Variants in SUPT3H observed in about 807,000 individuals in gnomAD.
The protein encoded by SUPT3H is transcription initiation protein SPT3 homolog.
In SUPT3H, 44 loss-of-function variants were observed where a neutral mutation model predicts 44.3. That is an observed-to-expected ratio of 0.99 (90% CI 0.78 to 1.28). The LOEUF (loss-of-function observed/expected upper bound fraction) is 1.28, where lower values mean the gene tolerates loss of function less well. SUPT3H is among the 50% of genes most tolerant of loss of function. The pLI is 0.00. For missense variants in SUPT3H, 380 were observed against 387.1 expected (o/e 0.98, Z 0.15); for synonymous variants, 124 against 125.6 (o/e 0.99, Z 0.09).
intron 3 of SUPT3H, among the ~76,000 whole-genome samples, chr6:45,042,503 G>C (rs1238545840): frequency 6.6e-6 from 1 of 152,176 alleles, no homozygotes; most frequent in Non-Finnish European, 1.5e-5. Context: ...CTTACTATAT[G>C]TCTGGAATAG....
At chr6:45,372,067 T>C (rs1796146016) in intron 1 of SUPT3H, 1 of 941,714 alleles carries the variant, frequency 1.1e-6, no homozygotes, top group Non-Finnish European at 1.3e-6. Flanking sequence ...GCCTCCACAA[T>C]GTGTATGTCA....
chr6:45,307,077 G>A (rs1036994290), intron 2 of SUPT3H, among the ~76,000 whole-genome samples: 2 of 152,218 alleles, frequency 1.3e-5, no homozygotes, highest in Non-Finnish European at 2.9e-5. Flanking sequence ...GGGGAGGGGT[G>A]CCCGCCATTG....
intron 2 of SUPT3H, among the ~76,000 whole-genome samples, chr6:45,256,985 C>A (rs369694529): frequency 2.0e-5 from 3 of 152,068 alleles, no homozygotes; most frequent in East Asian, 1.9e-4. Context: ...TGTCGTAATT[C>A]GACGTTTAAT....
intron 2 of SUPT3H, among the ~76,000 whole-genome samples, chr6:45,230,375 C>G (rs960724010): frequency 5.9e-5 from 9 of 151,812 alleles, no homozygotes; most frequent in African/African-American, 2.2e-4. Flanking sequence ...TTCTTTAGAT[C>G]TAGTAATATT....
intron 3 of SUPT3H, among the ~76,000 whole-genome samples, chr6:45,102,494 T>C (rs1303304354): frequency 6.6e-6 from 1 of 152,066 alleles, no homozygotes; most frequent in Non-Finnish European, 1.5e-5. Context: ...CAATAATTTA[T>C]TATATAAAAT....
chr6:45,365,185 G>A lies in SUPT3H; in HGVS notation c.101+16C>T. 6.8e-7 allele frequency: 1 copy of A among 1,471,976 alleles called. No individual in the cohort carries two copies. The highest frequency in any genetic ancestry group is 9.4e-7 in the Non-Finnish European group (1 of 1,063,212). The allele number at this position is 1,471,976 out of a possible 1,614,324, so 91.2% of individuals were successfully genotyped here. A position where few individuals can be genotyped will look rare whatever the true frequency, so the allele number is the denominator to read the frequency against. On this transcript the variant is annotated intron_variant, in intron 2 of 10. Coordinates refer to ENST00000371459, the MANE Select transcript of SUPT3H (RefSeq NM_003599.4). ...TTTAAAATAGTAATAGCAATAGCAT[G>A]CAGGGACATACTTACATCATACTCT...
intron 2 of SUPT3H, among the ~76,000 whole-genome samples, chr6:45,190,808 A>C (rs973413942): frequency 2.6e-5 from 4 of 152,102 alleles, no homozygotes; most frequent in Non-Finnish European, 5.9e-5. Flanking sequence ...GAACATACAC[A>C]CATAGCAAAT....
At chr6:44,870,689 A>G (rs1398320735) in intron 10 of SUPT3H, among the ~76,000 whole-genome samples, 90 of 151,736 alleles carry the variant, frequency 5.9e-4, no homozygotes, top group Non-Finnish European at 3.2e-4. Flanking sequence ...AGCTCCCAGC[A>G]TGAGCGACGC....
chr6:44,889,163 A>C (rs1040273098), intron 10 of SUPT3H, among the ~76,000 whole-genome samples: 3 of 152,126 alleles, frequency 2.0e-5, no homozygotes, highest in African/African-American at 7.2e-5. Context: ...GGTAGGAAGA[A>C]TCAATATTGT....
chr6:44,890,445 T>G (rs1440169033), intron 10 of SUPT3H, among the ~76,000 whole-genome samples: 1 of 151,922 alleles, frequency 6.6e-6, no homozygotes, highest in Non-Finnish European at 1.5e-5. Flanking sequence ...AATGATGAGT[T>G]CATGTCCTTT....
rs765270979 is a variant in SUPT3H, at chr6:45,230,660, G to GCATATATATATA, written c.102-124655_102-124654insTATATATATATG. On this transcript the variant is annotated intron_variant, in intron 2 of 10. Coordinates refer to ENST00000371459, the MANE Select transcript of SUPT3H (RefSeq NM_003599.4). ...TGAAATCATGTTTTAAATTCATTCA[G>GCATATATATATA]TCTATATATATATATATATATATAT... Among the ~76,000 whole-genome samples the GCATATATATATA allele has an allele frequency of 1.5e-3, 75 of 51,100 alleles. 11 individuals carry two copies. Among genetic ancestry groups the GCATATATATATA allele is most frequent in the Admixed American group, 2.1e-3 (10 of 4,654 alleles). 33.5% of individuals were successfully genotyped at this position (51,100 alleles called of 152,430 possible). A position where few individuals can be genotyped will look rare whatever the true frequency, so the allele number is the denominator to read the frequency against.
chr6:44,955,319 G>A (rs961157149), intron 7 of SUPT3H: 1 of 152,472 alleles, frequency 6.6e-6, no homozygotes, highest in African/African-American at 2.4e-5. Flanking sequence ...GGTAGCCTGG[G>A]GAAAGTTCTC....
intron 2 of SUPT3H, among the ~76,000 whole-genome samples, chr6:45,205,393 G>C (rs1562686200): frequency 6.6e-6 from 1 of 152,018 alleles, no homozygotes; most frequent in Non-Finnish European, 1.5e-5. Context: ...ACCTCCATTA[G>C]GTCATGGCAT....
At chr6:45,225,158 A>C (rs1766724536) in intron 2 of SUPT3H, among the ~76,000 whole-genome samples, 1 of 151,752 alleles carries the variant, frequency 6.6e-6, no homozygotes, top group South Asian at 2.1e-4. Context: ...ATGCGTCTGT[A>C]ATCTCAGCTA....
intron 3 of SUPT3H, among the ~76,000 whole-genome samples, chr6:45,048,898 A>G (rs1356561005): frequency 1.3e-5 from 2 of 152,082 alleles, no homozygotes; most frequent in Non-Finnish European, 2.9e-5. Context: ...GGGAGGGGTT[A>G]TAGAAGGGTT....
chr6:45,335,246 G>C (rs1161207536), intron 2 of SUPT3H, among the ~76,000 whole-genome samples: 1 of 151,092 alleles, frequency 6.6e-6, no homozygotes, highest in Non-Finnish European at 1.5e-5. Context: ...ATAATTTTAA[G>C]TGAAAAGATA....
At chr6:44,987,791 C>T (rs4714830) in intron 6 of SUPT3H, among the ~76,000 whole-genome samples, 52,378 of 151,844 alleles carry the variant, frequency 0.34, 9,753 homozygotes, top group Admixed American at 0.42. Flanking sequence ...AGTACTCTTC[C>T]GATTACTTCT....
At chr6:44,950,490 T>C (rs1016073630) in intron 9 of SUPT3H, among the ~76,000 whole-genome samples, 5 of 152,186 alleles carry the variant, frequency 3.3e-5, no homozygotes, top group South Asian at 2.1e-4. Flanking sequence ...GGTGTGCCTG[T>C]AGTCCCAGCT....
At position 45,328,919 on chromosome 6, in the gene SUPT3H, T is replaced by A; in HGVS notation, c.101+36282A>T. 3.2e-6 allele frequency: 3 copies of A among 948,110 alleles called. No homozygotes were observed. The South Asian group carries it at 4.3e-5, about 14-fold the overall frequency. 58.7% of individuals were successfully genotyped at this position (948,110 alleles called of 1,614,324 possible). On this transcript the variant is annotated intron_variant, in intron 2 of 10. Coordinates refer to ENST00000371459, the MANE Select transcript of SUPT3H (RefSeq NM_003599.4). The stretch of plus-strand genomic sequence containing the variant: ...TTATGCTATCTTGTTGCATTAAGAA[T>A]TGAAAAATGAAATTTCTGTATATAT...
Sources: gnomAD v4.1 joint callset for allele counts (sites outside exome capture counted in the v4.1 genomes callset) on GRCh38, gnomAD v4.1.1 for gene constraint, MANE v1.5 for transcripts, NCBI Gene and HGNC (gene_info 2026-07-23, HGNC 2026-07-21) for gene names.